Variants in TNN observed in about 807,000 individuals in gnomAD.
The protein encoded by TNN is tenascin-N.
In TNN, 122 loss-of-function variants were observed where a neutral mutation model predicts 134.4. The ratio of observed to expected loss-of-function variants is 0.91; its 90% CI spans 0.78 to 1.06. TNN has a LOEUF of 1.06. Ranked by LOEUF, TNN falls within the 50% of genes least tolerant of loss-of-function variation. The pLI is 0.00. For missense variants in TNN, 1,739 were observed against 1,699.4 expected, an observed-to-expected ratio of 1.02 and a Z score of -0.41; for synonymous variants, 710 against 670.3, an observed-to-expected ratio of 1.06 and a Z score of -0.91.
intron 12 of TNN, among the ~76,000 whole-genome samples, chr1:175,126,332 C>T (rs1321454326): frequency 6.6e-6 from 1 of 151,982 alleles, no homozygotes; most frequent in East Asian, 1.9e-4. Flanking sequence ...GAACTCTTGA[C>T]CTTGTGATCC....
intron 9 of TNN, among the ~76,000 whole-genome samples, chr1:175,108,916 G>C (rs1198237476): frequency 2.0e-5 from 3 of 151,960 alleles, no homozygotes; most frequent in Admixed American, 6.5e-5. Context: ...ACAGTGTAGT[G>C]GTGGGCTGAA....
rs529807950 is a variant in TNN, at chr1:175,127,003, G to A, written c.2963G>A (p.Gly988Asp). 6.2e-7 allele frequency: 1 copy of A among 1,614,130 alleles called. No homozygotes were observed. The highest frequency in any genetic ancestry group is 2.2e-5 in the East Asian group (1 of 44,886). ...NLRPSAVTQSGGILTWTPPSA... is the reference protein window; with the variant it reads ...NLRPSAVTQSDGILTWTPPSA... Reference sequence around the variant, plus strand: ...CGTCCATCTGCTGTAACGCAGTCTGGTGGCATATTGACCTGGACGCCCCCC... The same window carrying A: ...CGTCCATCTGCTGTAACGCAGTCTGATGGCATATTGACCTGGACGCCCCCC... Residue 988 changes from glycine (G) to aspartate (D), a missense_variant, in exon 13 of 19, where the codon GGT becomes GAT. Physicochemically the swap from Gly to Asp is moderately conservative, Grantham distance 94. Coordinates refer to ENST00000239462, the MANE Select transcript of TNN (RefSeq NM_022093.2).
chr1:175,126,824 C>A, intron 12 of TNN, 131 bp from the exon 13 acceptor site: 1 of 1,001,690 alleles, frequency 1.0e-6, no homozygotes, highest in Non-Finnish European at 1.4e-6. Flanking sequence ...GGAAGAGAGC[C>A]TGCAAACTGC....
intron 18 of TNN, among the ~76,000 whole-genome samples, chr1:175,145,963 A>C (rs1676059177): frequency 6.6e-6 from 1 of 152,124 alleles, no homozygotes; most frequent in African/African-American, 2.4e-5. Context: ...CCTGATCCTA[A>C]GCCTCCAGGA....
chr1:175,080,149 T>A lies in TNN; in HGVS notation c.785-14T>A. On this transcript the variant is annotated splice_polypyrimidine_tract_variant and intron_variant, in intron 3 of 18. Coordinates refer to ENST00000239462, the MANE Select transcript of TNN (RefSeq NM_022093.2). ...TTGCTCACCCTCTCTGCCCTGTTCC[T>A]GTTCTGCCTGCAGTGGTCACCCCAC... is the stretch of plus-strand genomic sequence containing the variant. The A allele has an allele frequency of 1.2e-6, 2 of 1,613,044 alleles. No individual in the cohort carries two copies. The highest frequency in any genetic ancestry group is 2.2e-5 in the South Asian group (2 of 91,040).
intron 15 of TNN, among the ~76,000 whole-genome samples, chr1:175,131,818 C>G (rs1201363524): frequency 6.6e-6 from 1 of 151,882 alleles, no homozygotes; most frequent in Non-Finnish European, 1.5e-5. Flanking sequence ...TGCCCAAAGA[C>G]ACAACTAGTA....
At chr1:175,107,592 T>C (rs1362420166) in intron 9 of TNN, among the ~76,000 whole-genome samples, 7 of 145,804 alleles carry the variant, frequency 4.8e-5, no homozygotes, top group South Asian at 2.3e-4. Flanking sequence ...TAGCAAGATT[T>C]ATTGCAAAGA....
rs144163530 is a variant in TNN, at chr1:175,073,877, G to A, written c.-35-3507G>A. On this transcript the variant is annotated intron_variant, in intron 1 of 18. Transcript: ENST00000239462. Reference sequence around the variant, plus strand: ...CCACTGGGCATGTCCTGCTGCAGTCGCCCCCTTGGGGTGGCACACTCCTGC... The same window carrying A: ...CCACTGGGCATGTCCTGCTGCAGTCACCCCCTTGGGGTGGCACACTCCTGC... Among the ~76,000 whole-genome samples, 257 of 152,142 alleles carry A rather than the reference G, an allele frequency of 1.7e-3. 1 individual carries two copies. The highest frequency in any genetic ancestry group is 5.9e-3 in the African/African-American group (244 of 41,462).
chr1:175,076,586 G>T lies in TNN; in HGVS notation c.-35-798G>T, dbSNP rs554969550. ...CAGGAGAGAAGACTTTGTGGAGCAG[G>T]TAATTTTATTAGAAATTCTTATGTT... On this transcript the variant is annotated intron_variant, in intron 1 of 18. Transcript: ENST00000239462. Among the ~76,000 whole-genome samples the T allele has an allele frequency of 8.1e-4, 124 of 152,324 alleles. 1 individual carries two copies. The highest frequency in any genetic ancestry group is 2.9e-3 in the African/African-American group (120 of 41,576).
intron 9 of TNN, among the ~76,000 whole-genome samples, chr1:175,107,746 G>A (rs574872547): frequency 1.1e-4 from 15 of 136,764 alleles, no homozygotes; most frequent in South Asian, 5.3e-4. Context: ...TTGTCAGGGC[G>A]CTGATTGGTG....
intron 6 of TNN, among the ~76,000 whole-genome samples, chr1:175,086,899 G>A (rs1471075854): frequency 6.6e-6 from 1 of 152,164 alleles, no homozygotes; most frequent in Non-Finnish European, 1.5e-5. Flanking sequence ...TGAGTGCCAG[G>A]CATTATAATC....
At chr1:175,136,751 A>G in intron 16 of TNN, 70 bp from the exon 17 acceptor site, 1 of 1,460,688 alleles carries the variant, frequency 6.8e-7, no homozygotes. Context: ...AAAGCCTCAG[A>G]CACACATGTT....
intron 9 of TNN, among the ~76,000 whole-genome samples, chr1:175,111,269 G>A (rs550663330): frequency 2.6e-5 from 4 of 152,136 alleles, no homozygotes; most frequent in Admixed American, 2.6e-4. Flanking sequence ...AGTGAGCCAA[G>A]ATCACACCAT....
intron 2 of TNN, 44 bp from the exon 3 acceptor site, chr1:175,079,289 C>T: frequency 6.5e-7 from 1 of 1,537,232 alleles, no homozygotes; most frequent in East Asian, 2.3e-5. Flanking sequence ...GATCCCCACG[C>T]ACAACCCTTC....
At chr1:175,089,389 C>T (rs143993438) in intron 6 of TNN, among the ~76,000 whole-genome samples, 2 of 152,258 alleles carry the variant, frequency 1.3e-5, no homozygotes, top group East Asian at 1.9e-4. Context: ...GCTCAAAGTG[C>T]GCTGGAACAC....
At chr1:175,141,081 G>C (rs1675934971) in intron 17 of TNN, among the ~76,000 whole-genome samples, 4 of 152,190 alleles carry the variant, frequency 2.6e-5, no homozygotes, top group Non-Finnish European at 2.9e-5. Flanking sequence ...GACTGTCCAG[G>C]TGGGCCCTCA....
In TNN at chr1:175,094,661, G is replaced by A. The variant is rs1022176236; in HGVS notation, c.1588+408G>A. Reference sequence around the variant, plus strand: ...CTCTTTTAGACCGTGGAAATAGTTTGCATCCTAAGTCAACATTTACTAAAT... The same window carrying A: ...CTCTTTTAGACCGTGGAAATAGTTTACATCCTAAGTCAACATTTACTAAAT... On this transcript the variant is annotated intron_variant, in intron 7 of 18. Transcript: ENST00000239462. Among the ~76,000 whole-genome samples the A allele has an allele frequency of 2.0e-5, 3 of 152,206 alleles. No individual in the cohort carries two copies. In the South Asian group the frequency reaches 6.2e-4, roughly 32 times the overall value.
In TNN at chr1:175,117,028, A is replaced by G; in HGVS notation, c.2209A>G (p.Arg737Gly). The change falls in exon 10 of 19, where the codon AGG becomes GGG. Residue 737 changes from arginine (R) to glycine (G), a missense_variant. Coordinates refer to ENST00000239462, the MANE Select transcript of TNN (RefSeq NM_022093.2). The stretch of plus-strand genomic sequence containing the variant: ...GGACCCGGTGCGGGCCACCATTGAC[A>G]GGTATGTGGTGCGCTACACCTCTGC... ...SWDPVRATID[R>G]YVVRYTSAKD... is the part of the protein sequence containing the mutation. 16 of 1,614,140 alleles carry G rather than the reference A, an allele frequency of 9.9e-6. No individual in the cohort carries two copies. Among genetic ancestry groups the G allele is most frequent in the Non-Finnish European group, 1.4e-5 (16 of 1,180,024 alleles).
chr1:175,124,731 T>C (rs2010221), intron 12 of TNN, among the ~76,000 whole-genome samples: 135,069 of 152,210 alleles, frequency 0.89, 60,171 homozygotes, highest in African/African-American at 0.94. Context: ...CTCTCTGTCC[T>C]GGACTCCCTA....
Sources: allele counts gnomAD v4.1 joint callset (sites outside exome capture counted in the v4.1 genomes callset), GRCh38; gene constraint gnomAD v4.1.1; transcripts MANE v1.5; gene names NCBI Gene and HGNC (gene_info 2026-07-23, HGNC 2026-07-21).